The following SLC35F4 variants were observed in gnomAD, a reference collection of about 807,000 sequenced individuals.
SLC35F4 encodes solute carrier family 35 member F4.
Under a neutral mutation model 44.2 loss-of-function variants are expected in SLC35F4, and 24 were observed. That is an observed-to-expected ratio of 0.54 (90% CI 0.39 to 0.76). The LOEUF (loss-of-function observed/expected upper bound fraction) is 0.76, where lower values mean the gene tolerates loss of function less well. Among genes scored for constraint, SLC35F4 ranks in the 30% least tolerant of loss-of-function variants. The pLI is 0.00. For missense variants in SLC35F4, 562 were observed against 586.1 expected (o/e 0.96, Z 0.42); for synonymous variants, 238 against 223.6 (o/e 1.06, Z -0.57).
rs373207657 is a variant in SLC35F4, at chr14:57,656,374, T to C, written c.104-62250A>G. Among the ~76,000 whole-genome samples, 189 of 125,784 alleles carry C rather than the reference T, an allele frequency of 1.5e-3. 1 individual carries two copies. The highest frequency in any genetic ancestry group is 1.9e-3 in the African/African-American group (66 of 35,532). 82.5% of individuals were successfully genotyped at this position (125,784 alleles called of 152,430 possible). A position where few individuals can be genotyped will look rare whatever the true frequency, so the allele number is the denominator to read the frequency against. ...TGTCCTTAGAGTATATATATATATA[T>C]ATACACACACACACACACACACACA... is the stretch of plus-strand genomic sequence containing the variant. On this transcript the variant is annotated intron_variant, in intron 1 of 7. Coordinates refer to ENST00000556826, the MANE Select transcript of SLC35F4 (RefSeq NM_001306087.2).
At chr14:57,961,387 C>T (rs1401426957) in intron 1 of SLC35F4, among the ~76,000 whole-genome samples, 1 of 152,104 alleles carries the variant, frequency 6.6e-6, no homozygotes, top group South Asian at 2.1e-4. Context: ...AGAGTAAACA[C>T]GTCCTGAGGA....
chr14:57,797,266 G>A (rs867250458), intron 1 of SLC35F4, among the ~76,000 whole-genome samples: 18 of 152,282 alleles, frequency 1.2e-4, no homozygotes, highest in Middle Eastern at 6.8e-3. Context: ...TTGCGGGCAG[G>A]ATTCATTCAT....
chr14:57,669,579 T>C (rs1415181150), intron 1 of SLC35F4, among the ~76,000 whole-genome samples: 2 of 152,146 alleles, frequency 1.3e-5, no homozygotes, highest in Admixed American at 6.5e-5. Flanking sequence ...TCTGCATCTA[T>C]TGAGATAATC....
intron 1 of SLC35F4, among the ~76,000 whole-genome samples, chr14:57,709,585 T>C (rs1205393637): frequency 6.6e-6 from 1 of 152,170 alleles, no homozygotes; most frequent in East Asian, 1.9e-4. Flanking sequence ...GTCTCTTGCC[T>C]CGGCACCTAG....
chr14:57,822,547 T>C (rs999594111), intron 1 of SLC35F4, among the ~76,000 whole-genome samples: 1 of 152,158 alleles, frequency 6.6e-6, no homozygotes, highest in Non-Finnish European at 1.5e-5. Context: ...TCTCCTTTTT[T>C]TTCATGGCCT....
intron 1 of SLC35F4, among the ~76,000 whole-genome samples, chr14:57,910,890 C>T (rs57761017): frequency 0.013 from 1,983 of 152,092 alleles, 37 homozygotes; most frequent in African/African-American, 0.045. Context: ...AATACTGAGT[C>T]ATCCTATTCA....
intron 1 of SLC35F4, among the ~76,000 whole-genome samples, chr14:57,807,697 A>G (rs545421750): frequency 2.0e-5 from 3 of 151,944 alleles, no homozygotes; most frequent in African/African-American, 7.3e-5. Context: ...CAACATCACA[A>G]TTTCTGGCCA....
chr14:57,752,542 C>A (rs549549742), intron 1 of SLC35F4, among the ~76,000 whole-genome samples: 2 of 150,772 alleles, frequency 1.3e-5, no homozygotes, highest in African/African-American at 4.9e-5. Flanking sequence ...CTCACTGCAA[C>A]GTCCGCCTCC....
At chr14:57,565,651 A>G (rs1169814371) in intron 7 of SLC35F4, among the ~76,000 whole-genome samples, 3 of 152,190 alleles carry the variant, frequency 2.0e-5, no homozygotes, top group Non-Finnish European at 2.9e-5. Context: ...TCTTACAGCC[A>G]CTGGAGTCTG....
chr14:57,801,486 A>G (rs1163205903), intron 1 of SLC35F4, among the ~76,000 whole-genome samples: 3 of 152,214 alleles, frequency 2.0e-5, no homozygotes, highest in Non-Finnish European at 4.4e-5. Context: ...AGCTAGCATC[A>G]TGGTGACAAA....
At chr14:57,670,736 C>T (rs1425337787) in intron 1 of SLC35F4, among the ~76,000 whole-genome samples, 4 of 151,400 alleles carry the variant, frequency 2.6e-5, no homozygotes, top group South Asian at 2.1e-4. Context: ...TTTACTGTTA[C>T]AGTGGTGAAG....
intron 1 of SLC35F4, among the ~76,000 whole-genome samples, chr14:57,917,046 T>G (rs1889343151): frequency 6.6e-6 from 1 of 151,912 alleles, no homozygotes. Context: ...TTGGGGGGTT[T>G]TGTTTTGTTT....
At chr14:57,724,306 G>T (rs913292443) in intron 1 of SLC35F4, among the ~76,000 whole-genome samples, 2 of 152,198 alleles carry the variant, frequency 1.3e-5, no homozygotes, top group African/African-American at 4.8e-5. Context: ...GCTCCCATAG[G>T]TGAATCACAG....
At chr14:57,754,073 A>T (rs2140577899) in intron 1 of SLC35F4, among the ~76,000 whole-genome samples, 1 of 145,700 alleles carries the variant, frequency 6.9e-6, no homozygotes, top group South Asian at 2.2e-4. Flanking sequence ...CAGAGATAAG[A>T]TCCTTTACAA....
intron 1 of SLC35F4, among the ~76,000 whole-genome samples, chr14:57,760,852 T>C (rs2077107004): frequency 1.3e-5 from 2 of 152,190 alleles, no homozygotes; most frequent in Admixed American, 1.3e-4. Flanking sequence ...TCCAGGGCGC[T>C]GGGTAGTTTC....
chr14:57,809,551 T>C (rs200184120), intron 1 of SLC35F4, among the ~76,000 whole-genome samples: 214 of 152,326 alleles, frequency 1.4e-3, no homozygotes, highest in African/African-American at 5.0e-3. Context: ...AAAGCCCACA[T>C]TGGACCATAG....
chr14:57,697,466 G>A (rs1413455938), intron 1 of SLC35F4, among the ~76,000 whole-genome samples: 2 of 152,012 alleles, frequency 1.3e-5, no homozygotes, highest in Admixed American at 6.6e-5. Flanking sequence ...TTGGGAGGCC[G>A]AGGCGGGCAG....
chr14:57,733,994 A>G (rs574871773), intron 1 of SLC35F4, among the ~76,000 whole-genome samples: 2 of 152,334 alleles, frequency 1.3e-5, no homozygotes, highest in South Asian at 4.1e-4. Context: ...CATATCATCT[A>G]TTCAGCCATG....
chr14:57,865,690 C>T (rs778870702), intron 1 of SLC35F4, 33 bp downstream of exon 1: 2 of 1,500,082 alleles, frequency 1.3e-6, no homozygotes, highest in Non-Finnish European at 1.8e-6. Context: ...CTCCCTTCCC[C>T]GCCTCGCGCA....
Sources: gnomAD v4.1 joint callset for allele counts (sites outside exome capture counted in the v4.1 genomes callset) on GRCh38, gnomAD v4.1.1 for gene constraint, MANE v1.5 for transcripts, NCBI Gene and HGNC (gene_info 2026-07-23, HGNC 2026-07-21) for gene names.